The following PTPRM variants were observed in gnomAD, a reference collection of about 807,000 sequenced individuals.
The protein encoded by PTPRM is receptor-type tyrosine-protein phosphatase mu.
PTPRM carries 47 observed loss-of-function variants against 186.7 expected under a neutral mutation model. That is an observed-to-expected ratio of 0.25 (90% CI 0.20 to 0.32). PTPRM has a LOEUF of 0.32. PTPRM is among the 10% of genes least tolerant of loss of function. The pLI is 1.00. For missense variants in PTPRM, 1,494 were observed against 1,865.0 expected, an observed-to-expected ratio of 0.80 and a Z score of 3.66; for synonymous variants, 668 against 674.9, an observed-to-expected ratio of 0.99 and a Z score of 0.16.
At chr18:7,772,218 G>T (rs2042298547) in intron 1 of PTPRM, among the ~76,000 whole-genome samples, 1 of 149,434 alleles carries the variant, frequency 6.7e-6, no homozygotes, top group South Asian at 2.1e-4. Flanking sequence ...CAAATAATCA[G>T]CTTTCCTGTG....
intron 14 of PTPRM, among the ~76,000 whole-genome samples, chr18:8,185,284 C>T (rs1216849013): frequency 6.6e-6 from 1 of 152,226 alleles, no homozygotes; most frequent in Non-Finnish European, 1.5e-5. Context: ...TAGGGTAAGG[C>T]TGGCTGGGTA....
At chr18:8,381,902 G>A (rs1228844066) in intron 29 of PTPRM, among the ~76,000 whole-genome samples, 1 of 152,154 alleles carries the variant, frequency 6.6e-6, no homozygotes, top group African/African-American at 2.4e-5. Context: ...TCATATTAGT[G>A]AACAAGACAT....
At chr18:8,394,070 G>A (rs2095833115) in intron 31 of PTPRM, among the ~76,000 whole-genome samples, 1 of 152,206 alleles carries the variant, frequency 6.6e-6, no homozygotes, top group Non-Finnish European at 1.5e-5. Flanking sequence ...GGGATTACAG[G>A]TGTGAGTCAC....
chr18:7,880,068 A>G (rs1445666808), intron 2 of PTPRM, among the ~76,000 whole-genome samples: 2 of 152,146 alleles, frequency 1.3e-5, no homozygotes, highest in African/African-American at 4.8e-5. Context: ...ATCAGATTTC[A>G]TGAGAACTCA....
At chr18:7,991,635 A>C (rs1490512661) in intron 7 of PTPRM, among the ~76,000 whole-genome samples, 1 of 152,192 alleles carries the variant, frequency 6.6e-6, no homozygotes, top group Non-Finnish European at 1.5e-5. Flanking sequence ...GTAGCAACCC[A>C]ATCTAGCAAC....
At chr18:7,672,442 A>G (rs2039239039) in intron 1 of PTPRM, among the ~76,000 whole-genome samples, 2 of 152,240 alleles carry the variant, frequency 1.3e-5, no homozygotes. Context: ...GCTGGCATTA[A>G]GACATGGTTT....
At chr18:8,282,306 A>C (rs528536125) in intron 19 of PTPRM, among the ~76,000 whole-genome samples, 1 of 152,324 alleles carries the variant, frequency 6.6e-6, no homozygotes, top group East Asian at 1.9e-4. Context: ...TATTTCTTGT[A>C]AACTGCTGCT....
At chr18:8,275,319 C>T (rs1013789880) in intron 19 of PTPRM, among the ~76,000 whole-genome samples, 8 of 152,060 alleles carry the variant, frequency 5.3e-5, no homozygotes, top group African/African-American at 1.9e-4. Context: ...GTAGTGTGCA[C>T]CTGTGGTTCC....
At chr18:7,725,265 C>A (rs1014934292) in intron 1 of PTPRM, among the ~76,000 whole-genome samples, 2 of 152,136 alleles carry the variant, frequency 1.3e-5, no homozygotes, top group African/African-American at 4.8e-5. Flanking sequence ...GAGATATAAT[C>A]CACACATTGT....
chr18:7,597,824 A>G (rs1179767702), intron 1 of PTPRM, among the ~76,000 whole-genome samples: 2 of 152,212 alleles, frequency 1.3e-5, no homozygotes, highest in Non-Finnish European at 2.9e-5. Flanking sequence ...TATTTGAAAG[A>G]GAGTACAAAT....
At chr18:8,026,731 G>A (rs530278663) in intron 7 of PTPRM, among the ~76,000 whole-genome samples, 5 of 152,058 alleles carry the variant, frequency 3.3e-5, no homozygotes, top group South Asian at 2.1e-4. Flanking sequence ...GGTGGTGGAC[G>A]CCTGTAGTCC....
At chr18:8,383,087 C>G (rs1382225857) in intron 29 of PTPRM, among the ~76,000 whole-genome samples, 3 of 151,784 alleles carry the variant, frequency 2.0e-5, no homozygotes, top group African/African-American at 7.3e-5. Context: ...ATCATGAGGT[C>G]AAGAGATCGA....
At chr18:7,855,054 T>A (rs1204875798) in intron 2 of PTPRM, among the ~76,000 whole-genome samples, 1 of 152,222 alleles carries the variant, frequency 6.6e-6, no homozygotes, top group Admixed American at 6.5e-5. Context: ...TTTACCGCTC[T>A]ATTTACTATG....
At chr18:7,769,805 A>C (rs867240739) in intron 1 of PTPRM, among the ~76,000 whole-genome samples, 3 of 152,240 alleles carry the variant, frequency 2.0e-5, no homozygotes, top group Admixed American at 1.3e-4. Flanking sequence ...TCTTATCTAG[A>C]ACCTGTGTGT....
At chr18:8,268,773 T>C (rs1342189043) in intron 19 of PTPRM, among the ~76,000 whole-genome samples, 1 of 151,950 alleles carries the variant, frequency 6.6e-6, no homozygotes. Context: ...GTTCAACATA[T>C]GCAAATCAAT....
intron 2 of PTPRM, among the ~76,000 whole-genome samples, chr18:7,880,680 C>T (rs2048462119): frequency 6.6e-6 from 1 of 152,128 alleles, no homozygotes; most frequent in Non-Finnish European, 1.5e-5. Flanking sequence ...AGCTTTGCTC[C>T]CGTAGTTCAT....
intron 2 of PTPRM, among the ~76,000 whole-genome samples, chr18:7,806,111 G>A (rs1296012721): frequency 6.6e-6 from 1 of 152,110 alleles, no homozygotes; most frequent in Non-Finnish European, 1.5e-5. Flanking sequence ...CACTCCCACT[G>A]GACATACTCT....
At chr18:7,576,004 G>A (rs2036678304) in intron 1 of PTPRM, among the ~76,000 whole-genome samples, 1 of 152,172 alleles carries the variant, frequency 6.6e-6, no homozygotes, top group South Asian at 2.1e-4. Flanking sequence ...GGCTAGCAGG[G>A]GTTGGAAATG....
At chr18:7,631,829 C>A (rs1039912566) in intron 1 of PTPRM, among the ~76,000 whole-genome samples, 7 of 152,034 alleles carry the variant, frequency 4.6e-5, no homozygotes, top group Admixed American at 6.6e-5. Flanking sequence ...TCTCTTGAGT[C>A]TGGGGTATTT....
Sources: gnomAD v4.1 joint callset for allele counts (sites outside exome capture counted in the v4.1 genomes callset) on GRCh38, gnomAD v4.1.1 for gene constraint, MANE v1.5 for transcripts, NCBI Gene and HGNC (gene_info 2026-07-23, HGNC 2026-07-21) for gene names.